The following ADAMTS18 variants were observed in gnomAD, a reference collection of about 807,000 sequenced individuals.
The protein encoded by ADAMTS18 is A disintegrin and metalloproteinase with thrombospondin motifs 18.
A neutral mutation model predicts 165.9 loss-of-function variants in ADAMTS18; 157 were observed. The ratio of observed to expected loss-of-function variants is 0.95; its 90% CI spans 0.83 to 1.08. The LOEUF is 1.08. ADAMTS18 is among the 50% of genes least tolerant of loss of function. ADAMTS18 has a pLI of 0.00. For synonymous variants in ADAMTS18, 782 were observed against 578.2 expected (o/e 1.35, Z -5.06); for missense variants, 2,040 against 1,534.0 (o/e 1.33, Z -5.51).
At chr16:77,430,959 T>C (rs1006992041) in intron 3 of ADAMTS18, among the ~76,000 whole-genome samples, 3 of 152,176 alleles carry the variant, frequency 2.0e-5, no homozygotes, top group African/African-American at 7.2e-5. Context: ...CGCATGAAGC[T>C]TGTTAGATTT....
intron 8 of ADAMTS18, among the ~76,000 whole-genome samples, chr16:77,358,875 T>A (rs2056669980): frequency 6.6e-6 from 1 of 152,310 alleles, no homozygotes; most frequent in Non-Finnish European, 1.5e-5. Flanking sequence ...GTGACACCAA[T>A]CAAAAGAATA....
At chr16:77,322,971 C>T (rs893869504) in intron 13 of ADAMTS18, among the ~76,000 whole-genome samples, 4 of 152,130 alleles carry the variant, frequency 2.6e-5, no homozygotes, top group Admixed American at 1.3e-4. Flanking sequence ...GGAGAAAAGG[C>T]ATACGGTTAG....
intron 12 of ADAMTS18, among the ~76,000 whole-genome samples, chr16:77,329,397 A>C (rs8044318): frequency 0.011 from 1,641 of 152,212 alleles, 28 homozygotes; most frequent in African/African-American, 0.037. Context: ...TCCATCAAAC[A>C]TGGCCAGACC....
At chr16:77,358,523 C>A (rs1433730934) in intron 8 of ADAMTS18, among the ~76,000 whole-genome samples, 1 of 152,162 alleles carries the variant, frequency 6.6e-6, no homozygotes, top group African/African-American at 2.4e-5. Context: ...GATCGTGCCA[C>A]TGCACTCCAG....
chr16:77,416,435 G>A (rs990581345), intron 3 of ADAMTS18, among the ~76,000 whole-genome samples: 2 of 152,182 alleles, frequency 1.3e-5, no homozygotes, highest in Non-Finnish European at 2.9e-5. Flanking sequence ...GGCAGGGCCA[G>A]GTGGAGATAA....
intron 17 of ADAMTS18, among the ~76,000 whole-genome samples, chr16:77,299,154 C>T (rs1402561370): frequency 1.3e-5 from 2 of 152,190 alleles, no homozygotes; most frequent in African/African-American, 4.8e-5. Context: ...ATGTCTATAA[C>T]ATGATTTCAG....
rs1338137107 is a variant in ADAMTS18 at position 77,314,771 on chromosome 16, TATATATATATATATAA to T, written c.2532+5062_2532+5077del. On this transcript the variant is annotated intron_variant, in intron 16 of 22. Coordinates refer to ENST00000282849, the MANE Select transcript of ADAMTS18 (RefSeq NM_199355.4). ...CAGGTTTCATATATATATATATATATATATATATATATATAAAATATATGTGATATGCTCAGAAGGC... is the reference window on the plus strand; with the variant it reads ...CAGGTTTCATATATATATATATATATAATATATGTGATATGCTCAGAAGGC... Among the ~76,000 whole-genome samples the T allele has an allele frequency of 4.3e-4, 35 of 81,510 alleles. 5 individuals are homozygous for T. Among genetic ancestry groups the T allele is most frequent in the Admixed American group, 8.7e-4 (7 of 8,068 alleles). The allele number at this position is 81,510 out of a possible 152,430, so 53.5% of individuals were successfully genotyped here. A position where few individuals can be genotyped will look rare whatever the true frequency, so the allele number is the denominator to read the frequency against.
chr16:77,317,931 C>A (rs1288643734), intron 16 of ADAMTS18, among the ~76,000 whole-genome samples: 1 of 152,136 alleles, frequency 6.6e-6, no homozygotes, highest in Non-Finnish European at 1.5e-5. Flanking sequence ...TTATTCATCA[C>A]TAATCTGACC....
Position 77,376,065 on chromosome 16 carries a change from G to A in ADAMTS18, c.496-8342C>T, listed in dbSNP as rs1485350726. On this transcript the variant is annotated intron_variant, in intron 3 of 22. Coordinates refer to ENST00000282849, the MANE Select transcript of ADAMTS18 (RefSeq NM_199355.4). ...ATTACAGGCATGGGCCACCACGCCCGGCTAATTTTGTATTTTTAGTAAAGA... is the reference window on the plus strand; with the variant it reads ...ATTACAGGCATGGGCCACCACGCCCAGCTAATTTTGTATTTTTAGTAAAGA... 7.2e-5 allele frequency among the ~76,000 whole-genome samples: 11 copies of A among 151,958 alleles called. No individual in the cohort carries two copies. The East Asian group carries it at 1.6e-3, about 21-fold the overall frequency.
intron 3 of ADAMTS18, among the ~76,000 whole-genome samples, chr16:77,413,807 G>GAAAAAA (rs34499809): frequency 1.6e-5 from 2 of 124,088 alleles, no homozygotes; most frequent in Non-Finnish European, 3.3e-5. Flanking sequence ...GTTTCCATCT[G>GAAAAAA]AAAAAAAAAA....
At chr16:77,394,815 G>C (rs1303105248) in intron 3 of ADAMTS18, among the ~76,000 whole-genome samples, 1 of 152,094 alleles carries the variant, frequency 6.6e-6, no homozygotes, top group Non-Finnish European at 1.5e-5. Flanking sequence ...AATTCATCAG[G>C]CTTGAGATGG....
intron 3 of ADAMTS18, among the ~76,000 whole-genome samples, chr16:77,425,379 T>C (rs1199769002): frequency 2.0e-5 from 3 of 152,044 alleles, no homozygotes; most frequent in Non-Finnish European, 4.4e-5. Context: ...ACTCAGAGCA[T>C]CAGATGCAGT....
At chr16:77,289,165 A>C in intron 22 of ADAMTS18, 99 bp downstream of exon 22, 1 of 1,466,726 alleles carries the variant, frequency 6.8e-7, no homozygotes, top group Non-Finnish European at 9.5e-7. Flanking sequence ...GGCTTACCCT[A>C]GAGTTGTACA....
rs2055358503 is a variant in ADAMTS18 at position 77,291,303 on chromosome 16, T to C, written c.3365A>G (p.Asn1122Ser). ...RRACPAHPVYNMVAGWYSLPW... is the reference protein window; with the variant it reads ...RRACPAHPVYSMVAGWYSLPW... ...CAATGAATACCATCCAGCTACCATG[T>C]TGTACACTGGATGGGCTGGGCAAGC... The change falls in exon 21 of 23, where the codon AAC becomes AGC. Residue 1122 changes from asparagine to serine, a missense_variant. Transcript: ENST00000282849. The C allele has an allele frequency of 3.7e-6, 6 of 1,614,068 alleles. No individual in the cohort carries two copies. The highest frequency in any genetic ancestry group is 1.1e-5 in the South Asian group (1 of 91,094).
intron 3 of ADAMTS18, among the ~76,000 whole-genome samples, chr16:77,409,383 G>A (rs533104883): frequency 6.6e-6 from 1 of 152,248 alleles, no homozygotes; most frequent in South Asian, 2.1e-4. Flanking sequence ...GAAGAAAATA[G>A]AGATAAGAAA....
At chr16:77,411,524 C>T (rs1160340419) in intron 3 of ADAMTS18, among the ~76,000 whole-genome samples, 1 of 151,962 alleles carries the variant, frequency 6.6e-6, no homozygotes, top group Non-Finnish European at 1.5e-5. Context: ...GTACAGGAGA[C>T]AGGCATTATT....
intron 10 of ADAMTS18, 74 bp from the exon 11 acceptor site, chr16:77,341,873 TATA>T (rs1175714709): frequency 7.0e-6 from 8 of 1,136,348 alleles, no homozygotes; most frequent in African/African-American, 1.5e-5. Context: ...AGATGTTGTA[TATA>T]ATATTATATT....
At chr16:77,284,999 A>C (rs560886966) in intron 22 of ADAMTS18, among the ~76,000 whole-genome samples, 2 of 151,160 alleles carry the variant, frequency 1.3e-5, no homozygotes, top group Admixed American at 6.6e-5. Context: ...CAAGTAAATA[A>C]ATTTAAGTCA....
intron 3 of ADAMTS18, among the ~76,000 whole-genome samples, chr16:77,385,817 C>T (rs1251157912): frequency 1.3e-5 from 2 of 152,162 alleles, no homozygotes. Context: ...CCAATTTTTT[C>T]TCAGTTATTT....
Sources: gnomAD v4.1 joint callset for allele counts (sites outside exome capture counted in the v4.1 genomes callset) on GRCh38, gnomAD v4.1.1 for gene constraint, MANE v1.5 for transcripts, NCBI Gene and HGNC (gene_info 2026-07-23, HGNC 2026-07-21) for gene names.